Variants in DOCK3 observed in about 807,000 individuals in gnomAD.
DOCK3 encodes dedicator of cytokinesis 3.
In DOCK3, 60 loss-of-function variants were observed where a neutral mutation model predicts 265.6. That is an observed-to-expected ratio of 0.23 (90% confidence interval 0.18 to 0.28). The LOEUF is 0.28. Ranked by LOEUF, DOCK3 falls within the 10% of genes least tolerant of loss-of-function variation. The pLI is 1.00. For synonymous variants in DOCK3, 881 were observed against 938.0 expected, an observed-to-expected ratio of 0.94 and a Z score of 1.11; for missense variants, 1,981 against 2,594.3, an observed-to-expected ratio of 0.76 and a Z score of 5.14.
intron 5 of DOCK3, among the ~76,000 whole-genome samples, chr3:50,951,648 A>G (rs1342282632): frequency 6.6e-6 from 1 of 152,308 alleles, no homozygotes; most frequent in African/African-American, 2.4e-5. Flanking sequence ...TTTCATTTAT[A>G]GTAGGATTAC....
At chr3:50,900,572 T>C in intron 4 of DOCK3, 1 of 346,520 alleles carries the variant, frequency 2.9e-6, no homozygotes, top group South Asian at 2.2e-5. Context: ...TTTTGGAATT[T>C]TCAGCCTTTT....
At chr3:51,249,650 G>C (rs1374071426) in intron 22 of DOCK3, among the ~76,000 whole-genome samples, 4 of 1,992 alleles carry the variant, frequency 2.0e-3, no homozygotes, top group African/African-American at 0.016. Context: ...GAGGGAGGTG[G>C]GGGGGGGTCA....
intron 23 of DOCK3, among the ~76,000 whole-genome samples, chr3:51,267,988 T>C (rs1310586443): frequency 6.6e-6 from 1 of 151,900 alleles, no homozygotes; most frequent in African/African-American, 2.4e-5. Context: ...CCTGGGCCTG[T>C]TGGGGGTCGG....
intron 23 of DOCK3, among the ~76,000 whole-genome samples, chr3:51,266,144 G>T (rs956204304): frequency 1.5e-4 from 23 of 152,086 alleles, no homozygotes; most frequent in African/African-American, 4.8e-4. Flanking sequence ...ACTCTTGAAG[G>T]AGAACTACAA....
chr3:51,238,756 AGCTTCATCCATGTTTCT>A (rs1285055027), intron 21 of DOCK3, among the ~76,000 whole-genome samples: 1 of 152,200 alleles, frequency 6.6e-6, no homozygotes. Context: ...AATGGTCTCC[AGCTTCATCCATGTTTCT>A]GCAAAAGACA....
intron 1 of DOCK3, among the ~76,000 whole-genome samples, chr3:50,760,090 CT>C (rs889083848): frequency 4.6e-5 from 7 of 151,406 alleles, no homozygotes; most frequent in African/African-American, 1.7e-4. Flanking sequence ...TGTCATGAAG[CT>C]TTTCCCTTAT....
chr3:51,300,814 T>C (rs2082326267), intron 27 of DOCK3, among the ~76,000 whole-genome samples: 2 of 152,222 alleles, frequency 1.3e-5, no homozygotes, highest in South Asian at 2.1e-4. Flanking sequence ...CAGTATTTTA[T>C]TGAGGACTTT....
At chr3:50,956,312 G>A (rs1211444656) in intron 5 of DOCK3, among the ~76,000 whole-genome samples, 1 of 152,164 alleles carries the variant, frequency 6.6e-6, no homozygotes, top group African/African-American at 2.4e-5. Context: ...AGAAGCACAG[G>A]TATTTTAAGA....
intron 1 of DOCK3, among the ~76,000 whole-genome samples, chr3:50,762,041 G>A (rs1181787477): frequency 6.6e-6 from 1 of 152,086 alleles, no homozygotes; most frequent in Non-Finnish European, 1.5e-5. Context: ...TCACTCATAG[G>A]TGGGAATTGA....
chr3:50,976,696 C>T (rs2077463795), intron 5 of DOCK3, among the ~76,000 whole-genome samples: 1 of 151,702 alleles, frequency 6.6e-6, no homozygotes, highest in Non-Finnish European at 1.5e-5. Flanking sequence ...GCTGGGTATC[C>T]TTGTTGACTT....
chr3:51,111,874 T>G (rs921174310), intron 9 of DOCK3, among the ~76,000 whole-genome samples: 13 of 151,320 alleles, frequency 8.6e-5, no homozygotes, highest in African/African-American at 2.7e-4. Context: ...AAAAACAACT[T>G]CAATATAAAG....
chr3:51,341,271 G>A lies in DOCK3; in HGVS notation c.3801G>A (p.Leu1267=), dbSNP rs148159031. Residue 1267 remains leucine (L), a synonymous_variant, in exon 38 of 53, where the codon CTG becomes CTA. Coordinates refer to ENST00000266037, the MANE Select transcript of DOCK3 (RefSeq NM_004947.5). ...AAFTLLLYCE[L]LQWEDRPLRE... ...TTACCCTGCTCCTTTACTGTGAGCT[G>A]CTGCAGTGGGAGGACCGGCCACTAC... The A allele has an allele frequency of 1.8e-4, 295 of 1,604,166 alleles. No homozygotes were observed. In the African/African-American group the frequency reaches 3.6e-3, roughly 20 times the overall value.
intron 1 of DOCK3, among the ~76,000 whole-genome samples, chr3:50,703,267 G>T (rs1366525414): frequency 6.6e-6 from 1 of 151,984 alleles, no homozygotes; most frequent in Non-Finnish European, 1.5e-5. Context: ...GAGGATTTTT[G>T]CATCTATGTT....
At chr3:51,067,456 T>TGTGTGTGTGTGTGTGTGC (rs1553750450) in intron 6 of DOCK3, among the ~76,000 whole-genome samples, 94 of 150,334 alleles carry the variant, frequency 6.3e-4, no homozygotes, top group African/African-American at 2.1e-3. Context: ...TGTGTGTGTG[T>TGTGTGTGTGTGTGTGTGC]GCGCGCGCGT....
At chr3:50,692,723 G>A (rs920016939) in intron 1 of DOCK3, among the ~76,000 whole-genome samples, 2 of 152,176 alleles carry the variant, frequency 1.3e-5, no homozygotes, top group African/African-American at 4.8e-5. Context: ...ATGCATGAAA[G>A]TTTTAAGTTT....
intron 5 of DOCK3, among the ~76,000 whole-genome samples, chr3:50,950,306 T>G (rs1323341577): frequency 6.6e-6 from 1 of 152,184 alleles, no homozygotes; most frequent in Non-Finnish European, 1.5e-5. Context: ...TCACTTGTTT[T>G]AGTTTTGTTT....
At chr3:50,684,595 A>G (rs577262465) in intron 1 of DOCK3, among the ~76,000 whole-genome samples, 1 of 152,324 alleles carries the variant, frequency 6.6e-6, no homozygotes, top group East Asian at 1.9e-4. Context: ...TCTCTCACCT[A>G]CAGTTTCACA....
At chr3:51,159,140 C>A (rs934196135) in intron 10 of DOCK3, 104 bp from the exon 11 acceptor site, 1 of 1,056,476 alleles carries the variant, frequency 9.5e-7, no homozygotes. Flanking sequence ...TCTCCCTTCC[C>A]CTGCCTATAA....
intron 9 of DOCK3, among the ~76,000 whole-genome samples, chr3:51,100,798 CTTT>C (rs60941495): frequency 7.0e-6 from 1 of 143,414 alleles, no homozygotes. Flanking sequence ...TTTAATTTAT[CTTT>C]TTTTTTTTTT....
Sources: allele counts gnomAD v4.1 joint callset (sites outside exome capture counted in the v4.1 genomes callset), GRCh38; gene constraint gnomAD v4.1.1; transcripts MANE v1.5; gene names NCBI Gene and HGNC (gene_info 2026-07-23, HGNC 2026-07-21).